KHDRBS2: variants seen among roughly 807,000 people sequenced by gnomAD.
The protein encoded by KHDRBS2 is KH RNA binding domain containing, signal transduction associated 2, also known as KH domain-containing, RNA-binding, signal transduction-associated protein 2.
A neutral mutation model predicts 44.3 loss-of-function variants in KHDRBS2; 26 were observed. The observed-to-expected ratio is 0.59, with a 90% CI of 0.43 to 0.81. KHDRBS2 has a LOEUF of 0.81. Ranked by LOEUF, KHDRBS2 falls within the 40% of genes least tolerant of loss-of-function variation. The pLI, the probability that KHDRBS2 is intolerant of heterozygous loss-of-function variation, is 0.00. For missense variants in KHDRBS2, 476 were observed against 433.1 expected (o/e 1.10, Z -0.88); for synonymous variants, 194 against 151.1 (o/e 1.28, Z -2.08).
At chr6:61,943,769 T>G (rs147474761) in intron 4 of KHDRBS2, among the ~76,000 whole-genome samples, 14 of 152,056 alleles carry the variant, frequency 9.2e-5, no homozygotes, top group African/African-American at 3.1e-4. Flanking sequence ...GGGACTAATA[T>G]CCAAACTATG....
chr6:62,114,621 G>A (rs1805778465), intron 2 of KHDRBS2, among the ~76,000 whole-genome samples: 1 of 152,066 alleles, frequency 6.6e-6, no homozygotes, highest in African/African-American at 2.4e-5. Flanking sequence ...TATAAACAAT[G>A]ACAAAAATAT....
chr6:61,594,100 G>A, the KHDRBS2 span, among the ~76,000 whole-genome samples: 7 of 152,000 alleles, frequency 4.6e-5, no homozygotes, highest in Non-Finnish European at 1.0e-4. Flanking sequence ...AAATTCTGGA[G>A]GGATTAGGTA....
chr6:62,087,631 C>A (rs1416807338), intron 2 of KHDRBS2, among the ~76,000 whole-genome samples: 1 of 152,056 alleles, frequency 6.6e-6, no homozygotes. Flanking sequence ...AACATTTTTT[C>A]CTTTATTTCA....
intron 4 of KHDRBS2, among the ~76,000 whole-genome samples, chr6:61,949,093 C>T (rs1045867403): frequency 6.6e-6 from 1 of 152,082 alleles, no homozygotes; most frequent in Non-Finnish European, 1.5e-5. Context: ...ATGCTATAAA[C>T]ATCCAGGACC....
At chr6:61,604,686 C>A in the KHDRBS2 span, among the ~76,000 whole-genome samples, 1 of 152,184 alleles carries the variant, frequency 6.6e-6, no homozygotes, top group African/African-American at 2.4e-5. Flanking sequence ...CCTCCTTTCC[C>A]TACACATCAA....
intron 8 of KHDRBS2, among the ~76,000 whole-genome samples, chr6:61,691,695 GT>G (rs757304643): frequency 6.4e-4 from 98 of 152,002 alleles, no homozygotes; most frequent in Non-Finnish European, 1.3e-3. Context: ...GACAGTCTTT[GT>G]TCTTGAATTA....
chr6:61,670,731 T>A, the KHDRBS2 span, among the ~76,000 whole-genome samples: 1 of 150,560 alleles, frequency 6.6e-6, no homozygotes, highest in Admixed American at 6.7e-5. Context: ...GCTCATCTAG[T>A]TCATCCTCTT....
At chr6:62,153,274 T>C in intron 2 of KHDRBS2, among the ~76,000 whole-genome samples, 1 of 152,180 alleles carries the variant, frequency 6.6e-6, no homozygotes, top group Non-Finnish European at 1.5e-5. Flanking sequence ...TGTACAACTC[T>C]AATGCTGAGC....
At chr6:61,660,382 G>T in the KHDRBS2 span, among the ~76,000 whole-genome samples, 1 of 151,544 alleles carries the variant, frequency 6.6e-6, no homozygotes, top group Admixed American at 6.6e-5. Flanking sequence ...CTTCCCTAAG[G>T]TCTTTCTGAA....
chr6:62,163,626 C>T lies in KHDRBS2; in HGVS notation c.219+13559G>A, dbSNP rs1233362541. Among the ~76,000 whole-genome samples the T allele has an allele frequency of 2.0e-5, 3 of 151,920 alleles. No homozygotes were observed. The East Asian group carries it at 5.8e-4, about 29-fold the overall frequency. ...CCTTTGAAATCTTAGCAGTCTGTGTCCACAATTATCTCAATGCCTCCTCAG... is the reference window on the plus strand; with the variant it reads ...CCTTTGAAATCTTAGCAGTCTGTGTTCACAATTATCTCAATGCCTCCTCAG... On this transcript the variant is annotated intron_variant, in intron 2 of 8. Coordinates refer to ENST00000281156, the MANE Select transcript of KHDRBS2 (RefSeq NM_152688.4).
At chr6:62,133,553 C>G (rs553602692) in intron 2 of KHDRBS2, among the ~76,000 whole-genome samples, 1 of 152,168 alleles carries the variant, frequency 6.6e-6, no homozygotes, top group Non-Finnish European at 1.5e-5. Context: ...AAGTTGGTAC[C>G]AGTAGAGTGG....
At chr6:62,129,710 CA>C (rs1432253994) in intron 2 of KHDRBS2, among the ~76,000 whole-genome samples, 1 of 152,022 alleles carries the variant, frequency 6.6e-6, no homozygotes, top group African/African-American at 2.4e-5. Flanking sequence ...ATTAAAATAG[CA>C]TTAAAATTTT....
At chr6:62,117,059 T>C (rs1188713872) in intron 2 of KHDRBS2, among the ~76,000 whole-genome samples, 1 of 152,192 alleles carries the variant, frequency 6.6e-6, no homozygotes, top group Non-Finnish European at 1.5e-5. Flanking sequence ...CTGCAATAAA[T>C]ATGGGAGTGC....
intron 3 of KHDRBS2, among the ~76,000 whole-genome samples, chr6:62,023,207 A>G (rs1310651067): frequency 2.0e-5 from 3 of 151,736 alleles, no homozygotes; most frequent in South Asian, 4.1e-4. Flanking sequence ...ACAGCTTATT[A>G]AAATGTGTGT....
intron 4 of KHDRBS2, among the ~76,000 whole-genome samples, chr6:61,955,081 T>G (rs1489929642): frequency 1.2e-4 from 16 of 138,888 alleles, no homozygotes; most frequent in African/African-American, 3.6e-4. Context: ...TACGTGTGTA[T>G]GTATGCATAC....
chr6:61,731,258 T>C (rs1248130008), intron 7 of KHDRBS2, among the ~76,000 whole-genome samples: 1 of 151,646 alleles, frequency 6.6e-6, no homozygotes, highest in Admixed American at 6.6e-5. Flanking sequence ...AAACTTACCC[T>C]AAGCCTAAAT....
At chr6:61,964,127 T>C (rs1002206165) in intron 4 of KHDRBS2, among the ~76,000 whole-genome samples, 2 of 152,030 alleles carry the variant, frequency 1.3e-5, no homozygotes, top group Non-Finnish European at 2.9e-5. Context: ...TACCACAAGT[T>C]CACTTACAGA....
At chr6:62,240,032 C>T (rs1834343513) in intron 1 of KHDRBS2, among the ~76,000 whole-genome samples, 1 of 152,030 alleles carries the variant, frequency 6.6e-6, no homozygotes, top group African/African-American at 2.4e-5. Context: ...ATACATAGTA[C>T]AGAGTACAGA....
chr6:62,148,153 T>C (rs1214863662), intron 2 of KHDRBS2, among the ~76,000 whole-genome samples: 3 of 152,036 alleles, frequency 2.0e-5, no homozygotes, highest in Non-Finnish European at 4.4e-5. Flanking sequence ...TATTTTTAAA[T>C]TGATTAGAGC....
Sources: gnomAD v4.1 joint callset for allele counts (sites outside exome capture counted in the v4.1 genomes callset) on GRCh38, gnomAD v4.1.1 for gene constraint, MANE v1.5 for transcripts, NCBI Gene and HGNC (gene_info 2026-07-23, HGNC 2026-07-21) for gene names.